DLG2: variants seen among roughly 807,000 people sequenced by gnomAD.
DLG2 encodes discs large MAGUK scaffold protein 2.
DLG2 carries 45 observed loss-of-function variants against 132.5 expected under a neutral mutation model. The observed-to-expected ratio is 0.34, with a 90% CI of 0.27 to 0.44. The LOEUF is 0.44. Among genes scored for constraint, DLG2 ranks in the 20% least tolerant of loss-of-function variants. DLG2 has a pLI of 1.00. For missense variants in DLG2, 1,045 were observed against 1,196.9 expected (o/e 0.87, Z 1.87); for synonymous variants, 424 against 419.6 (o/e 1.01, Z -0.13).
intron 4 of DLG2, among the ~76,000 whole-genome samples, chr11:85,262,198 C>T (rs949395701): frequency 3.3e-5 from 5 of 152,072 alleles, no homozygotes; most frequent in East Asian, 1.9e-4. Context: ...ATTTCTGATC[C>T]GGAAGTTTTT....
intron 3 of DLG2, among the ~76,000 whole-genome samples, chr11:85,350,288 T>C (rs997943763): frequency 3.0e-4 from 46 of 152,282 alleles, no homozygotes; most frequent in Admixed American, 8.5e-4. Context: ...GTTTAAGTTC[T>C]TTGTAGATTC....
intron 3 of DLG2, among the ~76,000 whole-genome samples, chr11:85,451,703 C>A (rs1423991428): frequency 6.6e-6 from 1 of 152,064 alleles, no homozygotes. Context: ...AGTACCTAGC[C>A]CACAGTAAGC....
intron 7 of DLG2, among the ~76,000 whole-genome samples, chr11:84,530,978 G>T (rs564751074): frequency 6.6e-6 from 1 of 151,978 alleles, no homozygotes; most frequent in Non-Finnish European, 1.5e-5. Flanking sequence ...GGAGGATCAC[G>T]AGGTCAGGAG....
At chr11:84,907,871 C>A (rs957364803) in intron 6 of DLG2, among the ~76,000 whole-genome samples, 36 of 152,278 alleles carry the variant, frequency 2.4e-4, no homozygotes, top group Non-Finnish European at 4.9e-4. Flanking sequence ...AGTCACTTAA[C>A]CTCCTTGGAC....
intron 4 of DLG2, among the ~76,000 whole-genome samples, chr11:85,196,449 C>T (rs1278523634): frequency 6.6e-6 from 1 of 152,170 alleles, no homozygotes. Context: ...GTCAGTGTTT[C>T]ACAGCTGGTT....
intron 3 of DLG2, among the ~76,000 whole-genome samples, chr11:85,412,386 T>C (rs1331084235): frequency 1.3e-5 from 2 of 151,726 alleles, no homozygotes. Flanking sequence ...ATTCTTTTTT[T>C]CCCATAGGTT....
chr11:84,134,028 C>A (rs1263474578), intron 9 of DLG2, among the ~76,000 whole-genome samples: 2 of 151,966 alleles, frequency 1.3e-5, no homozygotes, highest in African/African-American at 4.8e-5. Context: ...TGGTAGATAC[C>A]CATTTTCCTT....
chr11:84,252,093 T>G (rs2097386752), intron 7 of DLG2, among the ~76,000 whole-genome samples: 2 of 149,856 alleles, frequency 1.3e-5, no homozygotes, highest in South Asian at 4.3e-4. Context: ...CTTATCAACA[T>G]CTACGTTTAC....
chr11:84,299,798 T>A (rs537875563), intron 7 of DLG2, among the ~76,000 whole-genome samples: 1 of 152,226 alleles, frequency 6.6e-6, no homozygotes, highest in African/African-American at 2.4e-5. Context: ...TTAACTGTTA[T>A]CATTCCATTC....
intron 19 of DLG2, among the ~76,000 whole-genome samples, chr11:83,626,434 T>G (rs2062543460): frequency 1.3e-5 from 2 of 152,122 alleles, no homozygotes; most frequent in South Asian, 4.1e-4. Flanking sequence ...ACATTGCAGG[T>G]AAGTACAAAC....
Position 83,629,287 on chromosome 11 carries a change from AT to A in DLG2, c.1940+3923del, listed in dbSNP as rs749792930. Among the ~76,000 whole-genome samples, 21 of 152,294 alleles carry A rather than the reference AT, an allele frequency of 1.4e-4. 1 individual carries two copies. The highest frequency in any genetic ancestry group is 1.3e-3 in the East Asian group (7 of 5,188). ...CTGGCACATAATATACACTCAAAAA[AT>A]GTTTGATGAAGGTCTGAATAAATCA... On this transcript the variant is annotated intron_variant, in intron 19 of 27. Coordinates refer to ENST00000376104, the MANE Select transcript of DLG2 (RefSeq NM_001142699.3).
At chr11:84,358,260 C>T (rs182899259) in intron 7 of DLG2, among the ~76,000 whole-genome samples, 1 of 151,852 alleles carries the variant, frequency 6.6e-6, no homozygotes, top group East Asian at 1.9e-4. Context: ...ATGCAGCCCT[C>T]ATTAAGACTT....
intron 15 of DLG2, 25 bp downstream of exon 15, chr11:83,930,303 T>C: frequency 5.0e-6 from 8 of 1,611,408 alleles, no homozygotes; most frequent in African/African-American, 4.0e-5. Flanking sequence ...TTCGAGAAGA[T>C]GAAGTGAGGA....
intron 13 of DLG2, among the ~76,000 whole-genome samples, chr11:83,965,030 G>T (rs2089873288): frequency 6.6e-6 from 1 of 151,966 alleles, no homozygotes; most frequent in Non-Finnish European, 1.5e-5. Context: ...TGCTTTAGGA[G>T]CTTGAGAAAT....
chr11:85,427,043 T>A (rs2090806625), intron 3 of DLG2, among the ~76,000 whole-genome samples: 1 of 151,810 alleles, frequency 6.6e-6, no homozygotes. Context: ...GAAGATGAAA[T>A]GAATGAAATG....
At chr11:84,755,541 A>G (rs904490846) in intron 6 of DLG2, among the ~76,000 whole-genome samples, 13 of 152,204 alleles carry the variant, frequency 8.5e-5, no homozygotes, top group African/African-American at 3.1e-4. Context: ...CTCCTGCCTC[A>G]GCCTCCCAAG....
At chr11:83,780,569 A>C (rs2094772659) in intron 18 of DLG2, among the ~76,000 whole-genome samples, 1 of 152,210 alleles carries the variant, frequency 6.6e-6, no homozygotes. Flanking sequence ...AATCAATGTT[A>C]CTTCATCCCA....
At chr11:84,858,699 A>G (rs17147647) in intron 6 of DLG2, among the ~76,000 whole-genome samples, 3,804 of 152,218 alleles carry the variant, frequency 0.025, 185 homozygotes, top group African/African-American at 0.088. Flanking sequence ...CAAGTACTCA[A>G]ACAAGTCTCA....
intron 3 of DLG2, among the ~76,000 whole-genome samples, chr11:85,444,625 C>T (rs1448088271): frequency 6.6e-6 from 1 of 152,174 alleles, no homozygotes; most frequent in Non-Finnish European, 1.5e-5. Context: ...TGCATGCCCT[C>T]GACAAGAGCT....
Sources: allele counts gnomAD v4.1 joint callset (sites outside exome capture counted in the v4.1 genomes callset), GRCh38; gene constraint gnomAD v4.1.1; transcripts MANE v1.5; gene names NCBI Gene and HGNC (gene_info 2026-07-23, HGNC 2026-07-21).